LINGO2: variants seen among roughly 807,000 people sequenced by gnomAD.
The protein encoded by LINGO2 is leucine rich repeat and Ig domain containing 2, also known as leucine-rich repeat and immunoglobulin-like domain-containing nogo receptor-interacting protein 2.
LINGO2 carries 14 observed loss-of-function variants against 30.6 expected under a neutral mutation model. The observed-to-expected ratio is 0.46, with a 90% CI of 0.30 to 0.72. The LOEUF is 0.72. Ranked by LOEUF, LINGO2 falls within the 30% of genes least tolerant of loss-of-function variation. LINGO2 has a pLI of 0.07. For missense variants in LINGO2, 729 were observed against 751.7 expected, an observed-to-expected ratio of 0.97 and a Z score of 0.35; for synonymous variants, 317 against 288.5, an observed-to-expected ratio of 1.10 and a Z score of -1.00.
chr9:28,664,175 T>A (rs150599630), intron 1 of LINGO2, among the ~76,000 whole-genome samples: 1 of 152,192 alleles, frequency 6.6e-6, no homozygotes, highest in African/African-American at 2.4e-5. Flanking sequence ...GATAAAATAA[T>A]GCTAGGGATA....
intron 2 of LINGO2, among the ~76,000 whole-genome samples, chr9:28,409,563 T>C (rs1194208184): frequency 6.6e-6 from 1 of 152,040 alleles, no homozygotes; most frequent in Non-Finnish European, 1.5e-5. Context: ...ACTTTAATTT[T>C]ATATTTCATA....
intron 4 of LINGO2, among the ~76,000 whole-genome samples, chr9:28,070,828 A>G (rs1344945571): frequency 6.6e-6 from 1 of 152,072 alleles, no homozygotes; most frequent in Non-Finnish European, 1.5e-5. Flanking sequence ...TCCTCCTGCA[A>G]CAGCTTCCCA....
chr9:28,055,518 C>T (rs1244859015), intron 4 of LINGO2, among the ~76,000 whole-genome samples: 1 of 152,118 alleles, frequency 6.6e-6, no homozygotes, highest in Non-Finnish European at 1.5e-5. Context: ...ATGTAAGGTA[C>T]TTCTGTGGAT....
chr9:28,123,597 C>T (rs1241689233), intron 4 of LINGO2, among the ~76,000 whole-genome samples: 3 of 152,136 alleles, frequency 2.0e-5, no homozygotes, highest in Non-Finnish European at 2.9e-5. Context: ...TGTAATTGGC[C>T]TTCTGACTAA....
At chr9:28,411,388 T>A (rs541954702) in intron 2 of LINGO2, among the ~76,000 whole-genome samples, 1 of 152,114 alleles carries the variant, frequency 6.6e-6, no homozygotes, top group African/African-American at 2.4e-5. Flanking sequence ...TAACCATTTT[T>A]AGGTATACAA....
chr9:27,950,772 C>T, intron 5 of LINGO2, 66 bp from the exon 7 acceptor site: 1 of 849,866 alleles, frequency 1.2e-6, no homozygotes, highest in Non-Finnish European at 1.7e-6. Context: ...GGTGAAGGGG[C>T]ATAAATAGGG....
chr9:29,188,604 G>A, the LINGO2 span, among the ~76,000 whole-genome samples: 10 of 152,144 alleles, frequency 6.6e-5, no homozygotes, highest in Non-Finnish European at 1.3e-4. Context: ...CTCCCAGACC[G>A]GGTCGTGGCC....
intron 4 of LINGO2, among the ~76,000 whole-genome samples, chr9:28,146,753 T>C (rs1185292283): frequency 6.6e-6 from 1 of 152,220 alleles, no homozygotes; most frequent in East Asian, 1.9e-4. Flanking sequence ...GTGTGGTGAA[T>C]AGTTGACCGA....
chr9:29,100,321 G>T, the LINGO2 span, among the ~76,000 whole-genome samples: 1 of 151,742 alleles, frequency 6.6e-6, no homozygotes, highest in South Asian at 2.1e-4. Flanking sequence ...AAAAGGTCAG[G>T]AGTGGTGGCT....
the LINGO2 span, among the ~76,000 whole-genome samples, chr9:28,954,285 T>C: frequency 8.1e-3 from 1,230 of 152,302 alleles, 26 homozygotes; most frequent in African/African-American, 0.027. Context: ...GCTAGTTCAG[T>C]GTGCAACTCA....
chr9:28,152,497 A>G (rs1303265092), intron 4 of LINGO2, among the ~76,000 whole-genome samples: 1 of 152,126 alleles, frequency 6.6e-6, no homozygotes, highest in Admixed American at 6.6e-5. Flanking sequence ...ACCCAGTCTC[A>G]ATTATTTCTT....
intron 1 of LINGO2, among the ~76,000 whole-genome samples, chr9:28,497,026 C>T (rs1366067696): frequency 6.6e-6 from 1 of 152,234 alleles, no homozygotes; most frequent in African/African-American, 2.4e-5. Context: ...GCCAAGAGAT[C>T]CGCAGCTAGT....
chr9:28,566,499 C>T (rs558211925), intron 1 of LINGO2, among the ~76,000 whole-genome samples: 2 of 152,166 alleles, frequency 1.3e-5, no homozygotes, highest in South Asian at 4.1e-4. Context: ...ATCTTTATAC[C>T]ATTGGTATAA....
At chr9:28,118,449 T>C (rs564271087) in intron 4 of LINGO2, among the ~76,000 whole-genome samples, 2 of 152,186 alleles carry the variant, frequency 1.3e-5, no homozygotes, top group South Asian at 4.1e-4. Context: ...CGCTTGTTAG[T>C]TTAATAAGGA....
intron 3 of LINGO2, among the ~76,000 whole-genome samples, chr9:28,357,403 T>G (rs1264324978): frequency 1.3e-5 from 2 of 150,030 alleles, no homozygotes; most frequent in Non-Finnish European, 3.0e-5. Context: ...GTGACTAATT[T>G]GGAGCAAATA....
intron 4 of LINGO2, among the ~76,000 whole-genome samples, chr9:28,062,505 T>TATATATACTATATTGAATATACATATAC (rs1825176848): frequency 1.4e-5 from 2 of 145,872 alleles, no homozygotes; most frequent in African/African-American, 5.0e-5. Context: ...ACTATACATG[T>TATATATACTATATTGAATATACATATAC]ATATATACTA....
At chr9:28,726,822 T>A in the LINGO2 span, among the ~76,000 whole-genome samples, 20 of 152,310 alleles carry the variant, frequency 1.3e-4, no homozygotes, top group Admixed American at 4.6e-4. Flanking sequence ...GAAAGTCATA[T>A]ATTTGTTATA....
At chr9:28,476,238 G>A (rs1440808721) in intron 1 of LINGO2, among the ~76,000 whole-genome samples, 1 of 152,074 alleles carries the variant, frequency 6.6e-6, no homozygotes, top group South Asian at 2.1e-4. Flanking sequence ...GCAATCCACG[G>A]AACATAACAA....
intron 4 of LINGO2, among the ~76,000 whole-genome samples, chr9:28,137,913 G>A (rs931937405): frequency 6.6e-6 from 1 of 152,116 alleles, no homozygotes; most frequent in African/African-American, 2.4e-5. Flanking sequence ...TGTTCCATGA[G>A]TTATACATTT....
Sources: gnomAD v4.1 joint callset for allele counts (sites outside exome capture counted in the v4.1 genomes callset) on GRCh38, gnomAD v4.1.1 for gene constraint, MANE v1.5 for transcripts, NCBI Gene and HGNC (gene_info 2026-07-23, HGNC 2026-07-21) for gene names.